Variants in TFF2 observed in about 807,000 individuals in gnomAD.
TFF2 encodes the protein spasmolysin.
In TFF2, 19 loss-of-function variants were observed where a neutral mutation model predicts 16.0. The observed-to-expected ratio is 1.19, with a 90% CI of 0.83 to 1.74. The LOEUF (loss-of-function observed/expected upper bound fraction) is 1.74. Among genes scored for constraint, TFF2 ranks in the 40% most tolerant of loss-of-function variants. The pLI is 0.00. For synonymous variants in TFF2, 61 were observed against 65.4 expected (o/e 0.93, Z 0.32); for missense variants, 168 against 166.8 (o/e 1.01, Z -0.04).
At chr21:42,347,726 G>C in intron 2 of TFF2, 94 bp from the exon 3 acceptor site, 2 of 1,482,084 alleles carry the variant, frequency 1.3e-6, no homozygotes, top group Non-Finnish European at 9.1e-7. Context: ...GCGCTGATTT[G>C]CAGCCTCCGT....
At chr21:42,347,930 C>T (rs1409863372) in intron 2 of TFF2, among the ~76,000 whole-genome samples, 1 of 152,194 alleles carries the variant, frequency 6.6e-6, no homozygotes, top group Non-Finnish European at 1.5e-5. Context: ...GAGTCCCCCG[C>T]CTTGGGGAAA....
intron 3 of TFF2, among the ~76,000 whole-genome samples, chr21:42,347,241 C>A (rs1185458577): frequency 6.6e-6 from 1 of 152,258 alleles, no homozygotes; most frequent in Non-Finnish European, 1.5e-5. Flanking sequence ...CAGGGATGAG[C>A]CGCTGTTTCT....
chr21:42,349,814 G>C, intron 2 of TFF2, 67 bp downstream of exon 2: 6 of 1,485,872 alleles, frequency 4.0e-6, no homozygotes, highest in Non-Finnish European at 5.5e-6. Context: ...CCTGCTCTGG[G>C]CTCCGCCTGT....
At chr21:42,348,745 G>A (rs940700088) in intron 2 of TFF2, among the ~76,000 whole-genome samples, 5 of 150,074 alleles carry the variant, frequency 3.3e-5, no homozygotes, top group African/African-American at 1.2e-4. Flanking sequence ...ACTAGTCCCA[G>A]ACTAACCAAC....
At position 42,350,030 on chromosome 21, in the gene TFF2, G is replaced by T; in HGVS notation, c.80C>A (p.Ser27Tyr). ...LCALAGSEKP[S>Y]PCQCSRLSPH... Reference sequence around the variant, plus strand: ...GCTCAGCCTGGAGCACTGGCAGGGGGCTGTGGAAAGACCCTCAGTCGGCCC... The same window carrying T: ...GCTCAGCCTGGAGCACTGGCAGGGGTCTGTGGAAAGACCCTCAGTCGGCCC... The change falls in exon 2 of 4, where the codon TCC (serine) becomes TAC (tyrosine). Residue 27 changes from serine to tyrosine, a missense_variant and splice_region_variant. Coordinates refer to ENST00000291526, the MANE Select transcript of TFF2 (RefSeq NM_005423.5). 1 of 1,596,258 alleles carries T rather than the reference G, an allele frequency of 6.3e-7. No individual in the cohort carries two copies.
Position 42,346,543 on chromosome 21 carries a change from C to A in TFF2, c.380G>T (p.Cys127Phe), listed in dbSNP as rs1168029786. Residue 127 changes from cysteine (C) to phenylalanine (F), a missense_variant, in exon 4 of 4, where the codon TGC becomes TTC. Cys to Phe is a radical substitution (Grantham distance 205). Coordinates refer to ENST00000291526, the MANE Select transcript of TFF2 (RefSeq NM_005423.5). ...TGGAACCAGCCTCTCTTAGTAATGGCAGTCTAGAAGTTTAAATGCAAGATG... is the reference window on the plus strand; with the variant it reads ...TGGAACCAGCCTCTCTTAGTAATGGAAGTCTAGAAGTTTAAATGCAAGATG... ...WCFFPKSVED[C>F]HY 1.2e-6 allele frequency: 2 copies of A among 1,603,618 alleles called. No homozygotes were observed. The highest frequency in any genetic ancestry group is 8.5e-7 in the Non-Finnish European group (1 of 1,177,278).
chr21:42,346,403 C>G lies in TFF2; in HGVS notation c.*130G>C, dbSNP rs1490073174. On this transcript the variant is annotated 3_prime_UTR_variant, in exon 4 of 4. Transcript: ENST00000291526. ...TATTTAAAGAAATTATATGTTAAAC[C>G]ATTGAAAATGAGGAAAAGATGGTTA... 8.3e-7 allele frequency: 1 copy of G among 1,201,444 alleles called. No individual in the cohort carries two copies. Among genetic ancestry groups the G allele is most frequent in the African/African-American group, 1.5e-5 (1 of 65,022 alleles). The allele number at this position is 1,201,444 out of a possible 1,614,324, so 74.4% of individuals were successfully genotyped here.
chr21:42,350,834 A>G, intron 1 of TFF2, 45 bp downstream of exon 1: 2 of 1,539,878 alleles, frequency 1.3e-6, no homozygotes, highest in Non-Finnish European at 1.8e-6. Flanking sequence ...TTTTTCTTTA[A>G]GAGAAATAAA....
intron 2 of TFF2, among the ~76,000 whole-genome samples, chr21:42,348,090 T>G (rs73905603): frequency 0.023 from 3,451 of 152,288 alleles, 146 homozygotes; most frequent in African/African-American, 0.079. Flanking sequence ...TGGGCGCTCG[T>G]GAACAATCCA....
intron 2 of TFF2, 139 bp downstream of exon 2, chr21:42,349,742 G>A (rs2052100731): frequency 1.2e-6 from 1 of 861,440 alleles, no homozygotes; most frequent in African/African-American, 1.7e-5. Context: ...AACCAACCGG[G>A]GCTAGCTCGA....
In TFF2 at chr21:42,349,991, G is replaced by T; in HGVS notation, c.119C>A (p.Thr40Lys). 2 of 1,600,278 alleles carry T rather than the reference G, an allele frequency of 1.2e-6. No homozygotes were observed. The highest frequency in any genetic ancestry group is 1.7e-6 in the Non-Finnish European group (2 of 1,173,142). ...QCSRLSPHNRTNCGFPGITSD... is the reference protein window; with the variant it reads ...QCSRLSPHNRKNCGFPGITSD... ...GGTGATTCCAGGGAAGCCGCAGTTC[G>T]TCCTGTTATGGGGGCTCAGCCTGGA... is the stretch of plus-strand genomic sequence containing the variant. Residue 40 changes from threonine to lysine, a missense_variant, in exon 2 of 4, where the codon ACG becomes AAG. Transcript: ENST00000291526.
intron 3 of TFF2, 94 bp from the exon 4 acceptor site, chr21:42,346,640 A>G (rs1425925831): frequency 5.8e-6 from 8 of 1,370,734 alleles, no homozygotes; most frequent in Non-Finnish European, 7.9e-6. Flanking sequence ...CACTTTGCCC[A>G]GGAGCTTCCT....
chr21:42,347,581 G>C lies in TFF2; in HGVS notation c.281C>G (p.Pro94Arg). 6.2e-7 allele frequency: 1 copy of C among 1,614,170 alleles called. No homozygotes were observed. Among genetic ancestry groups the C allele is most frequent in the Non-Finnish European group, 8.5e-7 (1 of 1,180,018 alleles). The change falls in exon 3 of 4, where the codon CCG becomes CGG. Residue 94 changes from proline (P) to arginine (R), a missense_variant. Pro to Arg is a moderately radical substitution (Grantham distance 103, BLOSUM62 -2). Transcript: ENST00000291526. ...EVSDRRNCGY[P>R]GISPEECASR... ...GGCGCATTCCTCGGGGCTGATGCCC[G>C]GGTAGCCACAGTTTCTTCGGTCTGA...
intron 1 of TFF2, chr21:42,350,463 G>A (rs542125135): frequency 1.1e-5 from 2 of 183,770 alleles, no homozygotes; most frequent in South Asian, 2.9e-4. Flanking sequence ...AGCCTGGGAG[G>A]CAGAGGTTGC....
chr21:42,348,848 C>G (rs893314256), intron 2 of TFF2, among the ~76,000 whole-genome samples: 2 of 152,074 alleles, frequency 1.3e-5, no homozygotes, highest in African/African-American at 4.8e-5. Flanking sequence ...CCAGGCTAGT[C>G]TAAGACTAAC....
chr21:42,350,852 C>A, intron 1 of TFF2, 27 bp downstream of exon 1: 4 of 1,581,034 alleles, frequency 2.5e-6, no homozygotes, highest in Admixed American at 1.9e-5. Flanking sequence ...AAAGAAAGCA[C>A]ATAAAAAGAC....
rs746320531 is a variant in TFF2, at chr21:42,347,478, G to A, written c.376+8C>T. 6.2e-6 allele frequency: 10 copies of A among 1,613,982 alleles called. No individual in the cohort carries two copies. In the Admixed American group the frequency reaches 1.7e-4, roughly 27 times the overall value. On this transcript the variant is annotated splice_region_variant and intron_variant, in intron 3 of 3. Coordinates refer to ENST00000291526, the MANE Select transcript of TFF2 (RefSeq NM_005423.5). ...GGAACCAGACAGAGAGTCCCACAGC[G>A]ACGTTACCTTCCACAGACTTCGGGA...
chr21:42,347,396 G>C lies in TFF2; in HGVS notation c.376+90C>G. The stretch of plus-strand genomic sequence containing the variant: ...GGCCTCGATGGCACTGAGGCTGCGA[G>C]GCAGCTCCCCTCCCTGCACCCCACC... On this transcript the variant is annotated intron_variant, in intron 3 of 3. Coordinates refer to ENST00000291526, the MANE Select transcript of TFF2 (RefSeq NM_005423.5). The C allele has an allele frequency of 2.5e-6, 4 of 1,569,352 alleles. No individual in the cohort carries two copies. In the Admixed American group the frequency reaches 6.9e-5, roughly 27 times the overall value.
Position 42,349,960 on chromosome 21 carries a change from G to A in TFF2, c.150C>T (p.Asp50=). The A allele has an allele frequency of 6.3e-7, 1 of 1,599,384 alleles. No individual in the cohort carries two copies. The highest frequency in any genetic ancestry group is 8.5e-7 in the Non-Finnish European group (1 of 1,172,766). ...TNCGFPGITS[D]QCFDNGCCFD... ...AACAGCATCCATTGTCAAAACACTG[G>A]TCACTGGTGATTCCAGGGAAGCCGC... is the stretch of plus-strand genomic sequence containing the variant. Residue 50 remains aspartate, a synonymous_variant, in exon 2 of 4, where the codon GAC becomes GAT. Transcript: ENST00000291526.
Sources: allele counts gnomAD v4.1 joint callset (sites outside exome capture counted in the v4.1 genomes callset), GRCh38; gene constraint gnomAD v4.1.1; transcripts MANE v1.5; gene names NCBI Gene and HGNC (gene_info 2026-07-23, HGNC 2026-07-21).